The following HMCN2 variants were observed in gnomAD, a reference collection of about 807,000 sequenced individuals.
The protein encoded by HMCN2 is hemicentin 2, also known as hemicentin-2.
A neutral mutation model predicts 377.5 loss-of-function variants in HMCN2; 325 were observed. That is an observed-to-expected ratio of 0.86 (90% CI 0.79 to 0.94). The LOEUF (loss-of-function observed/expected upper bound fraction) is 0.94. Among genes scored for constraint, HMCN2 ranks in the 40% least tolerant of loss-of-function variants. The probability of loss-of-function intolerance (pLI) is 0.00; values close to 1 mark genes in which losing one functional copy is unlikely to be tolerated. For synonymous variants in HMCN2, 2,007 were observed against 2,046.8 expected, an observed-to-expected ratio of 0.98 and a Z score of 0.53; for missense variants, 4,543 against 4,725.3, an observed-to-expected ratio of 0.96 and a Z score of 1.13.
At position 130,433,482 on chromosome 9, in the gene HMCN2, G is replaced by T; in HGVS notation, c.15029G>T (p.Gly5010Val). Residue 5010 changes from glycine (G) to valine (V), a missense_variant, in exon 98 of 98, where the codon GGC becomes GTC. By Grantham distance (109) the Gly-to-Val change is moderately radical (BLOSUM62 -3). Transcript: ENST00000683500. ...CGCCTCACCGCCTTCTCCGAGGTCGGCGTCCCCGCCAACCGCACCGAGCTC... is the reference window on the plus strand; with the variant it reads ...CGCCTCACCGCCTTCTCCGAGGTCGTCGTCCCCGCCAACCGCACCGAGCTC... ...VARLTAFSEV[G>V]VPANRTELSM... 6.7e-7 allele frequency: 1 copy of T among 1,499,446 alleles called. No individual in the cohort carries two copies. Among genetic ancestry groups the T allele is most frequent in the South Asian group, 1.3e-5 (1 of 79,908 alleles). The allele number at this position is 1,499,446 out of a possible 1,614,324, so 92.9% of individuals were successfully genotyped here. A position where few individuals can be genotyped will look rare whatever the true frequency, so the allele number is the denominator to read the frequency against.
chr9:130,290,222 C>T (rs945422774), intron 4 of HMCN2, among the ~76,000 whole-genome samples: 3 of 152,216 alleles, frequency 2.0e-5, no homozygotes, highest in Admixed American at 6.5e-5. Flanking sequence ...GCAATGTCCC[C>T]AGGCCTGGCC....
chr9:130,425,994 T>C, intron 90 of HMCN2, 70 bp downstream of exon 90: 2 of 1,169,618 alleles, frequency 1.7e-6, no homozygotes, highest in Non-Finnish European at 2.4e-6. Flanking sequence ...CAAATGCACG[T>C]GGCTGGAATC....
chr9:130,381,858 C>T (rs1409285599), intron 54 of HMCN2, among the ~76,000 whole-genome samples: 1 of 152,122 alleles, frequency 6.6e-6, no homozygotes, highest in East Asian at 1.9e-4. Context: ...AGCCAGCAAC[C>T]ACTGCTGTCA....
At chr9:130,288,265 A>T (rs1554928728) in intron 4 of HMCN2, among the ~76,000 whole-genome samples, 1 of 152,168 alleles carries the variant, frequency 6.6e-6, no homozygotes, top group African/African-American at 2.4e-5. Flanking sequence ...CACTACTCCC[A>T]GCTGTGGTGC....
intron 25 of HMCN2, among the ~76,000 whole-genome samples, chr9:130,344,526 A>G (rs1185787386): frequency 1.6e-5 from 2 of 127,800 alleles, no homozygotes; most frequent in African/African-American, 3.0e-5. Flanking sequence ...TGTGGTGTGT[A>G]GTGTGTGGTG....
At chr9:130,293,976 G>C (rs1393458533) in intron 4 of HMCN2, among the ~76,000 whole-genome samples, 1 of 152,168 alleles carries the variant, frequency 6.6e-6, no homozygotes, top group Non-Finnish European at 1.5e-5. Context: ...ATGTATGGGT[G>C]GGGGCTGCCT....
Position 130,304,041 on chromosome 9 carries a change from T to G in HMCN2, c.1543+433T>G, listed in dbSNP as rs1554935609. Among the ~76,000 whole-genome samples the G allele has an allele frequency of 6.6e-6, 1 of 152,168 alleles. No homozygotes were observed. Among genetic ancestry groups the G allele is most frequent in the Non-Finnish European group, 1.5e-5 (1 of 68,030 alleles). The stretch of plus-strand genomic sequence containing the variant: ...GAAAAATTACGAACGCAAGCTGCTT[T>G]GTAGAGAAAAAAAGGAACCCGTAAG... On this transcript the variant is annotated intron_variant, in intron 10 of 97. Transcript: ENST00000683500. The surrounding 1 kb of genome is among the most constrained non-coding windows in gnomAD (Gnocchi z 4.3).
chr9:130,419,020 C>T lies in HMCN2; in HGVS notation c.13210C>T (p.Arg4404Trp), dbSNP rs537161585. 43 of 1,490,268 alleles carry T rather than the reference C, an allele frequency of 2.9e-5. No homozygotes were observed. Among genetic ancestry groups the T allele is most frequent in the East Asian group, 5.0e-5 (2 of 40,170 alleles). 92.3% of individuals were successfully genotyped at this position (1,490,268 alleles called of 1,614,324 possible). The part of the protein sequence containing the change: ...AHNLLGSATA[R>W]AFLVVRGEPQ... ...CAACCTCCTGGGCTCTGCCACAGCC[C>T]GGGCGTTCCTGGTCGTGAGAGGTAT... The change falls in exon 86 of 98, where the codon CGG (arginine) becomes TGG (tryptophan). Residue 4404 changes from arginine (R) to tryptophan (W), a missense_variant. Coordinates refer to ENST00000683500, the MANE Select transcript of HMCN2 (RefSeq NM_001291815.2).
chr9:130,282,214 C>A (rs1835159381), intron 1 of HMCN2, among the ~76,000 whole-genome samples: 1 of 152,190 alleles, frequency 6.6e-6, no homozygotes, highest in South Asian at 2.1e-4. Context: ...GTTAGCAGTG[C>A]CTCTTCCCAT....
chr9:130,314,283 G>A (rs1416500321), intron 15 of HMCN2, among the ~76,000 whole-genome samples: 2 of 152,312 alleles, frequency 1.3e-5, no homozygotes, highest in African/African-American at 4.8e-5. Context: ...ATGGCGAGGC[G>A]ACTTCTCCAT....
intron 77 of HMCN2, 51 bp from the exon 78 acceptor site, chr9:130,402,738 C>A: frequency 8.5e-7 from 1 of 1,170,490 alleles, no homozygotes; most frequent in Non-Finnish European, 1.1e-6. Flanking sequence ...CTGCCACCTC[C>A]ATCCCTGGGG....
In HMCN2 at chr9:130,403,313, C is replaced by T. The variant is rs1182132273; in HGVS notation, c.11998C>T (p.Leu4000Phe). Reference protein sequence around the residue: ...RPTITWQKEGLNVATGVSTQV... With the variant: ...RPTITWQKEGFNVATGVSTQV... The stretch of plus-strand genomic sequence containing the variant: ...GACCATCACCTGGCAGAAGGAAGGG[C>T]TCAACGTCGCTACTGGTGAGGGCCC... Residue 4000 changes from leucine to phenylalanine, a missense_variant, in exon 79 of 98, where the codon CTC becomes TTC. This residue lies in a region of HMCN2 where 1,073 missense variants were observed against 1,319.5 expected (regional missense o/e 0.81). Coordinates refer to ENST00000683500, the MANE Select transcript of HMCN2 (RefSeq NM_001291815.2). The T allele has an allele frequency of 9.3e-6, 12 of 1,289,792 alleles. No homozygotes were observed. Among genetic ancestry groups the T allele is most frequent in the East Asian group, 1.1e-4 (2 of 18,026 alleles). The allele number at this position is 1,289,792 out of a possible 1,614,324, so 79.9% of individuals were successfully genotyped here.
chr9:130,433,507 C>T lies in HMCN2; in HGVS notation c.15054C>T (p.Leu5018=). Reference sequence around the variant, plus strand: ...GCGTCCCCGCCAACCGCACCGAGCTCAGCATGCTGGAGCCCGACCCCCGCA... The same window carrying T: ...GCGTCCCCGCCAACCGCACCGAGCTTAGCATGCTGGAGCCCGACCCCCGCA... ...EVGVPANRTE[L]SMLEPDPRSP... Residue 5018 remains leucine (L), a synonymous_variant, in exon 98 of 98, where the codon CTC becomes CTT. Coordinates refer to ENST00000683500, the MANE Select transcript of HMCN2 (RefSeq NM_001291815.2). The T allele has an allele frequency of 6.7e-7, 1 of 1,495,656 alleles. No individual in the cohort carries two copies. The highest frequency in any genetic ancestry group is 1.3e-5 in the South Asian group (1 of 79,192). The allele number at this position is 1,495,656 out of a possible 1,614,324, so 92.6% of individuals were successfully genotyped here.
chr9:130,349,888 CTTTTTTTTTTTTTTTTT>C (rs760662723), intron 29 of HMCN2, among the ~76,000 whole-genome samples: 1 of 91,306 alleles, frequency 1.1e-5, no homozygotes, highest in Non-Finnish European at 2.1e-5. Flanking sequence ...TTAGCCTTTC[CTTTTTTTTTTTTTTTTT>C]TTTTTTTTTG....
intron 25 of HMCN2, among the ~76,000 whole-genome samples, chr9:130,346,233 C>T (rs1395244202): frequency 2.0e-5 from 3 of 152,032 alleles, no homozygotes; most frequent in African/African-American, 2.4e-5. Flanking sequence ...GCTCACGCTG[C>T]GACCTCTGGG....
intron 22 of HMCN2, among the ~76,000 whole-genome samples, chr9:130,334,612 G>A (rs1838616878): frequency 6.8e-6 from 1 of 146,602 alleles, no homozygotes; most frequent in African/African-American, 2.5e-5. Flanking sequence ...TTGGTGAAGA[G>A]GGGAGTAGGG....
chr9:130,388,683 C>CA (rs971173054), intron 62 of HMCN2, 143 bp downstream of exon 62: 10 of 326,034 alleles, frequency 3.1e-5, no homozygotes, highest in African/African-American at 1.5e-4. Context: ...CCCCCCCCCC[C>CA]ACCATTTGTG....
intron 80 of HMCN2, 25 bp from the exon 81 acceptor site, chr9:130,404,844 C>A (rs1239970163): frequency 1.7e-6 from 2 of 1,209,036 alleles, no homozygotes; most frequent in Non-Finnish European, 2.1e-6. Context: ...GCCCCGGTTC[C>A]GAGTGGGCCT....
At chr9:130,431,111 A>T in intron 95 of HMCN2, 1 of 560,008 alleles carries the variant, frequency 1.8e-6, no homozygotes, top group Non-Finnish European at 3.2e-6. Context: ...GCCTGGACGG[A>T]GGGGTCTGCG....
Sources: allele counts gnomAD v4.1 joint callset (sites outside exome capture counted in the v4.1 genomes callset), GRCh38; gene constraint gnomAD v4.1.1; regional missense constraint gnomAD v4.1.1; non-coding constraint Gnocchi (gnomAD v3.1); transcripts MANE v1.5; gene names NCBI Gene and HGNC (gene_info 2026-07-23, HGNC 2026-07-21).